Variants in MED13L observed in about 807,000 individuals in gnomAD.
MED13L encodes the protein mediator of RNA polymerase II transcription subunit 13-like.
Under a neutral mutation model 220.9 loss-of-function variants are expected in MED13L, and 7 were observed. The ratio of observed to expected loss-of-function variants is 0.03; its 90% confidence interval spans 0.02 to 0.06. The LOEUF is 0.06. MED13L is among the 10% of genes least tolerant of loss of function. The pLI, the probability that MED13L is intolerant of heterozygous loss-of-function variation, is 1.00. For synonymous variants in MED13L, 1,011 were observed against 1,015.2 expected, an observed-to-expected ratio of 1.00 and a Z score of 0.08; for missense variants, 1,965 against 2,760.5, an observed-to-expected ratio of 0.71 and a Z score of 6.46.
chr12:115,986,585 C>G, intron 18 of MED13L, 96 bp from the exon 19 acceptor site: 1 of 1,118,206 alleles, frequency 8.9e-7, no homozygotes, highest in Non-Finnish European at 1.3e-6. Context: ...ATTCTGGCAT[C>G]TGAAATGTCA....
chr12:116,129,022 T>C (rs549940762), intron 2 of MED13L, among the ~76,000 whole-genome samples: 1 of 152,336 alleles, frequency 6.6e-6, no homozygotes, highest in Admixed American at 6.5e-5. Context: ...TTTATATTAT[T>C]TTCTTCCTGG....
chr12:116,063,909 C>G (rs1184180147), intron 4 of MED13L, among the ~76,000 whole-genome samples: 1 of 152,042 alleles, frequency 6.6e-6, no homozygotes, highest in Non-Finnish European at 1.5e-5. Flanking sequence ...CTGGGCTGGG[C>G]GCATGGTTTG....
chr12:116,178,061 T>G (rs1255851291), intron 2 of MED13L, among the ~76,000 whole-genome samples: 2 of 152,080 alleles, frequency 1.3e-5, no homozygotes, highest in Non-Finnish European at 2.9e-5. Context: ...TTTGTTTTGG[T>G]AGAGACTGGG....
chr12:116,243,419 C>T (rs944294428), intron 1 of MED13L, among the ~76,000 whole-genome samples: 1 of 152,016 alleles, frequency 6.6e-6, no homozygotes, highest in African/African-American at 2.4e-5. Context: ...GCAGATACTC[C>T]CCTGGCCTAA....
Position 116,264,519 on chromosome 12 carries a change from G to C in MED13L, c.72+12541C>G, listed in dbSNP as rs191229929. ...CTGAAGCTCACTACTTTTAATCCTTGAACTCAAAAAACACTCAAGTTACAA... is the reference window on the plus strand; with the variant it reads ...CTGAAGCTCACTACTTTTAATCCTTCAACTCAAAAAACACTCAAGTTACAA... On this transcript the variant is annotated intron_variant, in intron 1 of 30. Coordinates refer to ENST00000281928, the MANE Select transcript of MED13L (RefSeq NM_015335.5). 1.5e-3 allele frequency among the ~76,000 whole-genome samples: 230 copies of C among 152,154 alleles called. 1 individual carries two copies. The highest frequency in any genetic ancestry group is 5.5e-3 in the African/African-American group (227 of 41,512).
intron 1 of MED13L, among the ~76,000 whole-genome samples, chr12:116,275,894 C>T (rs1047296048): frequency 3.3e-5 from 5 of 152,196 alleles, no homozygotes; most frequent in African/African-American, 1.2e-4. Context: ...AATATTTAAA[C>T]AAATTCGTAC....
At chr12:116,247,101 G>C (rs1016233328) in intron 1 of MED13L, among the ~76,000 whole-genome samples, 3 of 152,002 alleles carry the variant, frequency 2.0e-5, no homozygotes, top group African/African-American at 7.2e-5. Context: ...TAAGAACCAA[G>C]ATAATCAACA....
chr12:116,084,767 C>A, intron 4 of MED13L, among the ~76,000 whole-genome samples: 2 of 149,138 alleles, frequency 1.3e-5, no homozygotes, highest in African/African-American at 5.0e-5. Flanking sequence ...GAGCAGGACC[C>A]TGTCGCCAAA....
Position 116,009,019 on chromosome 12 carries a change from G to A in MED13L, c.1394C>T (p.Ser465Phe), listed in dbSNP as rs761190378. The change falls in exon 10 of 31, where the codon TCT becomes TTT. Residue 465 changes from serine to phenylalanine, a missense_variant. Coordinates refer to ENST00000281928, the MANE Select transcript of MED13L (RefSeq NM_015335.5). Reference sequence around the variant, plus strand: ...CTGTCTTTCTGCTGTTTTGTGCTTAGAAGAAGCAGGAGGTGGTAAAGATGA... The same window carrying A: ...CTGTCTTTCTGCTGTTTTGTGCTTAAAAGAAGCAGGAGGTGGTAAAGATGA... ...SSSSLPPPASSKHKTAERQEK... is the reference protein window; with the variant it reads ...SSSSLPPPASFKHKTAERQEK... 3.7e-6 allele frequency: 6 copies of A among 1,613,920 alleles called. No homozygotes were observed. In the African/African-American group the frequency reaches 6.7e-5, roughly 18 times the overall value.
intron 4 of MED13L, among the ~76,000 whole-genome samples, chr12:116,085,628 T>C (rs1206786940): frequency 6.6e-6 from 1 of 152,118 alleles, no homozygotes; most frequent in East Asian, 1.9e-4. Context: ...GGTAAAATTA[T>C]GATGTACACT....
chr12:116,266,533 C>G (rs1253081852), intron 1 of MED13L, among the ~76,000 whole-genome samples: 1 of 152,188 alleles, frequency 6.6e-6, no homozygotes, highest in Non-Finnish European at 1.5e-5. Flanking sequence ...ACTGCCAGGA[C>G]TATAAGTCAG....
chr12:116,008,186 A>G (rs535994209), intron 10 of MED13L: 6 of 601,038 alleles, frequency 1.0e-5, no homozygotes, highest in African/African-American at 9.2e-5. Flanking sequence ...TAAATGGCAT[A>G]AAGAGTTCTT....
At chr12:116,105,852 A>C (rs879702481) in intron 3 of MED13L, among the ~76,000 whole-genome samples, 11 of 152,304 alleles carry the variant, frequency 7.2e-5, no homozygotes, top group Non-Finnish European at 1.0e-4. Context: ...CTTCCTACTG[A>C]AAGATGATAC....
At chr12:116,036,056 T>C (rs1881176655) in intron 4 of MED13L, among the ~76,000 whole-genome samples, 1 of 152,228 alleles carries the variant, frequency 6.6e-6, no homozygotes, top group Admixed American at 6.5e-5. Flanking sequence ...CTCACCATAA[T>C]GTGAGCTCCA....
intron 2 of MED13L, among the ~76,000 whole-genome samples, chr12:116,150,626 T>G (rs1877964417): frequency 6.6e-6 from 1 of 152,182 alleles, no homozygotes; most frequent in South Asian, 2.1e-4. Flanking sequence ...GGATAACCTA[T>G]GTTTCTCTGA....
intron 2 of MED13L, among the ~76,000 whole-genome samples, chr12:116,181,644 G>A (rs1880535796): frequency 6.6e-6 from 1 of 152,022 alleles, no homozygotes; most frequent in Admixed American, 6.6e-5. Flanking sequence ...AGCAGCTGGG[G>A]TTACATGCCA....
At chr12:116,094,589 C>G (rs1872511389) in intron 4 of MED13L, among the ~76,000 whole-genome samples, 1 of 152,174 alleles carries the variant, frequency 6.6e-6, no homozygotes, top group African/African-American at 2.4e-5. Flanking sequence ...CCTTCAATCC[C>G]TACTTTTTAT....
chr12:115,982,617 C>A lies in MED13L; in HGVS notation c.4956-14G>T. 6.3e-7 allele frequency: 1 copy of A among 1,592,420 alleles called. No homozygotes were observed. Among genetic ancestry groups the A allele is most frequent in the South Asian group, 1.1e-5 (1 of 90,538 alleles). On this transcript the variant is annotated splice_polypyrimidine_tract_variant and intron_variant, in intron 21 of 30. Coordinates refer to ENST00000281928, the MANE Select transcript of MED13L (RefSeq NM_015335.5). ...CTTTCTGTAACACTGGAGAGAGAGT[C>A]ACTTGTGAGATGCACAAAATAAATA...
chr12:116,141,316 C>T (rs983618510), intron 2 of MED13L, among the ~76,000 whole-genome samples: 9 of 152,100 alleles, frequency 5.9e-5, no homozygotes, highest in Admixed American at 4.6e-4. Context: ...GTGGCAGCAG[C>T]AGTACACTGT....
Sources: allele counts gnomAD v4.1 joint callset (sites outside exome capture counted in the v4.1 genomes callset), GRCh38; gene constraint gnomAD v4.1.1; transcripts MANE v1.5; gene names NCBI Gene and HGNC (gene_info 2026-07-23, HGNC 2026-07-21).